The following CAPRIN2 variants were observed in gnomAD, a reference collection of about 807,000 sequenced individuals.
CAPRIN2 encodes the protein caprin-2.
In CAPRIN2, 66 loss-of-function variants were observed where a neutral mutation model predicts 130.4. That is an observed-to-expected ratio of 0.51 (90% CI 0.42 to 0.62). The LOEUF (loss-of-function observed/expected upper bound fraction) is 0.62. Ranked by LOEUF, CAPRIN2 falls within the 20% of genes least tolerant of loss-of-function variation. CAPRIN2 has a pLI of 0.00. For synonymous variants in CAPRIN2, 471 were observed against 444.1 expected, an observed-to-expected ratio of 1.06 and a Z score of -0.76; for missense variants, 1,185 against 1,246.6, an observed-to-expected ratio of 0.95 and a Z score of 0.74.
intron 2 of CAPRIN2, among the ~76,000 whole-genome samples, chr12:30,749,479 C>T (rs1281501583): frequency 6.6e-6 from 1 of 152,038 alleles, no homozygotes; most frequent in Non-Finnish European, 1.5e-5. Context: ...TAATAAGTAA[C>T]GCAGATGAAA....
chr12:30,716,567 G>A, exon 13 of CAPRIN2: 1 of 1,613,926 alleles, frequency 6.2e-7, no homozygotes, highest in Non-Finnish European at 8.5e-7. Context: ...GCACTGGGGT[G>A]GTGTTTGTGT....
At chr12:30,728,667 A>G (rs1265136059) in exon 8 of CAPRIN2, 1 of 1,608,894 alleles carries the variant, frequency 6.2e-7, no homozygotes, top group Admixed American at 1.7e-5. Flanking sequence ...TTCTGTGTTC[A>G]ACTTCCTGGG....
chr12:30,720,611 A>G (rs2059115718), intron 12 of CAPRIN2, 200 bp downstream of exon 13: 2 of 476,560 alleles, frequency 4.2e-6, no homozygotes, highest in East Asian at 3.4e-5. Flanking sequence ...ATAAGGCAAT[A>G]CCATATTAAA....
chr12:30,735,440 A>G (rs947544360), intron 3 of CAPRIN2, among the ~76,000 whole-genome samples: 2 of 152,216 alleles, frequency 1.3e-5, no homozygotes, highest in Non-Finnish European at 2.9e-5. Flanking sequence ...CAAATCCAGG[A>G]TATGTCTAGA....
At chr12:30,753,627 A>G in exon 1 of CAPRIN2, 3 of 1,614,190 alleles carry the variant, frequency 1.9e-6, no homozygotes, top group Non-Finnish European at 2.5e-6. Flanking sequence ...AGGTGGGGGA[A>G]AGTTAAGTAT....
At chr12:30,734,224 A>G (rs2138319636) in intron 4 of CAPRIN2, among the ~76,000 whole-genome samples, 1 of 152,322 alleles carries the variant, frequency 6.6e-6, no homozygotes, top group South Asian at 2.1e-4. Context: ...ACATGGCTAT[A>G]TATAGGCAAT....
intron 16 of CAPRIN2, 101 bp downstream of exon 18, chr12:30,711,465 A>G: frequency 2.2e-6 from 2 of 923,994 alleles, no homozygotes; most frequent in Non-Finnish European, 3.5e-6. Flanking sequence ...AACAAGATAA[A>G]TGCTAAAAAG....
intron 8 of CAPRIN2, among the ~76,000 whole-genome samples, chr12:30,727,531 A>T (rs1225680416): frequency 6.6e-6 from 1 of 152,218 alleles, no homozygotes; most frequent in African/African-American, 2.4e-5. Context: ...GAACACTGGA[A>T]GCACAAGTTC....
chr12:30,728,609 C>A, intron 8 of CAPRIN2, 39 bp downstream of exon 9: 2 of 1,496,730 alleles, frequency 1.3e-6, no homozygotes, highest in Non-Finnish European at 1.8e-6. Flanking sequence ...CTTATTTATG[C>A]CTACACTTAC....
chr12:30,737,862 G>T (rs2065632731), intron 3 of CAPRIN2, among the ~76,000 whole-genome samples: 1 of 152,092 alleles, frequency 6.6e-6, no homozygotes, highest in Admixed American at 6.5e-5. Flanking sequence ...CTCCCAAAGT[G>T]CTGGGATCAC....
intron 8 of CAPRIN2, chr12:30,728,331 G>A (rs999100835): frequency 1.4e-5 from 3 of 216,628 alleles, no homozygotes; most frequent in Non-Finnish European, 2.8e-5. Flanking sequence ...GAGGCGGTTG[G>A]ATCACGAGAT....
At chr12:30,722,215 T>C (rs965534244) in intron 11 of CAPRIN2, among the ~76,000 whole-genome samples, 1 of 152,242 alleles carries the variant, frequency 6.6e-6, no homozygotes, top group Admixed American at 6.5e-5. Context: ...TAGTGCTTTT[T>C]AAGTAGACCA....
upstream of CAPRIN2, chr12:30,754,947 C>T (rs886974212): frequency 3.9e-5 from 6 of 152,666 alleles, no homozygotes; most frequent in African/African-American, 1.5e-4. Context: ...GCCGCTCGCG[C>T]CCAGGCCCGC....
intron 3 of CAPRIN2, among the ~76,000 whole-genome samples, chr12:30,739,761 T>C (rs1017164519): frequency 6.6e-6 from 1 of 151,478 alleles, no homozygotes; most frequent in Non-Finnish European, 1.5e-5. Context: ...GAGTCTCAGA[T>C]TCCTGATCTG....
At chr12:30,749,915 T>C (rs1415483556) in intron 2 of CAPRIN2, among the ~76,000 whole-genome samples, 2 of 152,198 alleles carry the variant, frequency 1.3e-5, no homozygotes, top group Non-Finnish European at 2.9e-5. Context: ...AGCATGTCTT[T>C]AACATTTCTT....
intron 12 of CAPRIN2, 171 bp downstream of exon 13, chr12:30,720,640 C>G (rs182356984): frequency 3.8e-6 from 2 of 526,964 alleles, no homozygotes; most frequent in Non-Finnish European, 6.8e-6. Context: ...TATGGCAAAG[C>G]TACAATAAAG....
chr12:30,752,606 TAA>T (rs1345096194), intron 1 of CAPRIN2, among the ~76,000 whole-genome samples: 4 of 148,014 alleles, frequency 2.7e-5, no homozygotes, highest in Admixed American at 6.7e-5. Flanking sequence ...AACCAGACTC[TAA>T]AGAGTCTCTT....
At chr12:30,752,173 T>TG (rs2074300775) in intron 1 of CAPRIN2, among the ~76,000 whole-genome samples, 1 of 151,998 alleles carries the variant, frequency 6.6e-6, no homozygotes, top group South Asian at 2.1e-4. Flanking sequence ...CTACCTGCCT[T>TG]GTCCTCCCAA....
intron 2 of CAPRIN2, among the ~76,000 whole-genome samples, chr12:30,749,808 T>C (rs1294880528): frequency 6.6e-6 from 1 of 152,268 alleles, no homozygotes; most frequent in East Asian, 1.9e-4. Context: ...ACTCCAGATA[T>C]CAAAGTTCAT....
Sources: allele counts gnomAD v4.1 joint callset (sites outside exome capture counted in the v4.1 genomes callset), GRCh38; gene constraint gnomAD v4.1.1; transcripts MANE v1.5; gene names NCBI Gene and HGNC (gene_info 2026-07-23, HGNC 2026-07-21).